Variants in CTNNA2 observed in about 807,000 individuals in gnomAD.
CTNNA2 encodes catenin alpha 2.
CTNNA2 carries 42 observed loss-of-function variants against 101.0 expected under a neutral mutation model. The ratio of observed to expected loss-of-function variants is 0.42; its 90% confidence interval spans 0.32 to 0.54. The LOEUF is 0.54. CTNNA2 is among the 20% of genes least tolerant of loss of function. CTNNA2 has a pLI of 0.14. For missense variants in CTNNA2, 871 were observed against 1,223.1 expected (o/e 0.71, Z 4.29); for synonymous variants, 450 against 456.4 (o/e 0.99, Z 0.18).
chr2:79,881,236 G>A (rs1318821601), intron 6 of CTNNA2, among the ~76,000 whole-genome samples: 1 of 152,092 alleles, frequency 6.6e-6, no homozygotes, highest in Non-Finnish European at 1.5e-5. Context: ...CCAATTATGT[G>A]GTCAATTTTA....
intron 7 of CTNNA2, among the ~76,000 whole-genome samples, chr2:79,916,763 C>T (rs1415731287): frequency 2.0e-5 from 3 of 151,710 alleles, no homozygotes; most frequent in Non-Finnish European, 4.4e-5. Flanking sequence ...GCTGGGACTA[C>T]AGGCACCCAC....
At chr2:79,789,864 A>G (rs1675137093) in intron 3 of CTNNA2, among the ~76,000 whole-genome samples, 1 of 152,122 alleles carries the variant, frequency 6.6e-6, no homozygotes, top group African/African-American at 2.4e-5. Flanking sequence ...CTTCCTGGCT[A>G]TCTGGGGAGA....
At chr2:79,649,124 A>G (rs556375584) in intron 1 of CTNNA2, among the ~76,000 whole-genome samples, 1 of 152,108 alleles carries the variant, frequency 6.6e-6, no homozygotes, top group South Asian at 2.1e-4. Context: ...TTTAAGGAGT[A>G]TCTTTCACTT....
intron 3 of CTNNA2, among the ~76,000 whole-genome samples, chr2:79,826,409 A>G (rs1399271409): frequency 6.6e-6 from 1 of 152,234 alleles, no homozygotes; most frequent in Non-Finnish European, 1.5e-5. Flanking sequence ...GTTGTTTCTT[A>G]TAACTTAGCT....
At chr2:80,003,729 A>G (rs888243710) in intron 7 of CTNNA2, among the ~76,000 whole-genome samples, 1 of 152,204 alleles carries the variant, frequency 6.6e-6, no homozygotes. Flanking sequence ...CTGGTTGGTC[A>G]AGATGTGGTC....
chr2:80,529,106 G>T (rs1340511757), intron 9 of CTNNA2, among the ~76,000 whole-genome samples: 1 of 152,112 alleles, frequency 6.6e-6, no homozygotes, highest in East Asian at 1.9e-4. Context: ...ATGTCCTGGT[G>T]GGCAGGCAGA....
At chr2:79,935,009 T>G (rs1231956465) in intron 7 of CTNNA2, among the ~76,000 whole-genome samples, 2 of 152,192 alleles carry the variant, frequency 1.3e-5, no homozygotes, top group Non-Finnish European at 2.9e-5. Context: ...ACAGTTAAAG[T>G]TGGTATATTT....
In CTNNA2 at chr2:79,844,287, T is replaced by C. The variant is rs181607366; in HGVS notation, c.299-13726T>C. Among the ~76,000 whole-genome samples the C allele has an allele frequency of 3.7e-4, 56 of 152,240 alleles. No homozygotes were observed. The East Asian group carries it at 0.011, about 29-fold the overall frequency. On this transcript the variant is annotated intron_variant, in intron 3 of 18. Coordinates refer to ENST00000402739, the MANE Select transcript of CTNNA2 (RefSeq NM_001282597.3). Reference sequence around the variant, plus strand: ...AAAGAATATCCAAAAAGTCTGAAAATACAGGAAAAATTGATTCTACTTATT... The same window carrying C: ...AAAGAATATCCAAAAAGTCTGAAAACACAGGAAAAATTGATTCTACTTATT...
At chr2:80,188,524 G>T (rs781739327) in intron 7 of CTNNA2, among the ~76,000 whole-genome samples, 10 of 152,060 alleles carry the variant, frequency 6.6e-5, no homozygotes, top group Non-Finnish European at 1.5e-4. Context: ...GGTCTCAATG[G>T]ACTAAAATAA....
chr2:79,521,382 TGCA>T (rs1350097560), intron 1 of CTNNA2, among the ~76,000 whole-genome samples: 1 of 151,940 alleles, frequency 6.6e-6, no homozygotes, highest in Middle Eastern at 3.2e-3. Context: ...CACACCGTCA[TGCA>T]GCAGCAGCGT....
chr2:80,508,566 A>G (rs1352408319), intron 9 of CTNNA2, among the ~76,000 whole-genome samples: 1 of 151,486 alleles, frequency 6.6e-6, no homozygotes, highest in Non-Finnish European at 1.5e-5. Flanking sequence ...CCTACAACAT[A>G]TGGACTCTCT....
chr2:80,424,245 T>C (rs990791715), intron 9 of CTNNA2, among the ~76,000 whole-genome samples: 28 of 152,292 alleles, frequency 1.8e-4, no homozygotes, highest in African/African-American at 2.2e-4. Flanking sequence ...TGAGCCACCG[T>C]GCCCGGCCCA....
chr2:80,226,193 C>T (rs1159402467), intron 7 of CTNNA2, among the ~76,000 whole-genome samples: 1 of 152,192 alleles, frequency 6.6e-6, no homozygotes, highest in Non-Finnish European at 1.5e-5. Flanking sequence ...AGGGTTAAAA[C>T]AGCTCATTTG....
chr2:79,270,295 G>T (rs1317185254), intron 2 of CTNNA2, among the ~76,000 whole-genome samples: 3 of 152,084 alleles, frequency 2.0e-5, no homozygotes, highest in Non-Finnish European at 4.4e-5. Context: ...TAGGAACCAT[G>T]CACTATACTC....
At chr2:79,342,326 T>A (rs1677156344) in intron 3 of CTNNA2, among the ~76,000 whole-genome samples, 1 of 152,212 alleles carries the variant, frequency 6.6e-6, no homozygotes, top group Admixed American at 6.5e-5. Context: ...CTGCCTAAGC[T>A]GCTGTGATGA....
chr2:79,374,229 A>G (rs1297952644), intron 4 of CTNNA2, among the ~76,000 whole-genome samples: 1 of 152,294 alleles, frequency 6.6e-6, no homozygotes, highest in East Asian at 1.9e-4. Context: ...GTGGAAGTCT[A>G]GTGCATAACA....
At chr2:80,383,020 A>C (rs1011950356) in intron 7 of CTNNA2, among the ~76,000 whole-genome samples, 4 of 152,118 alleles carry the variant, frequency 2.6e-5, no homozygotes, top group Admixed American at 2.0e-4. Context: ...ATTTTTTAGC[A>C]GTTTGCTCAG....
At chr2:79,372,220 A>T (rs1323116647) in intron 3 of CTNNA2, among the ~76,000 whole-genome samples, 5 of 152,094 alleles carry the variant, frequency 3.3e-5, no homozygotes, top group Non-Finnish European at 5.9e-5. Flanking sequence ...GAGTGCCTAC[A>T]CCTGTACAAA....
At chr2:80,615,645 G>T (rs764677018) in intron 17 of CTNNA2, among the ~76,000 whole-genome samples, 3 of 151,450 alleles carry the variant, frequency 2.0e-5, no homozygotes, top group Non-Finnish European at 3.0e-5. Flanking sequence ...TGTTTTCTTG[G>T]TTTACTATAT....
Sources: allele counts gnomAD v4.1 joint callset (sites outside exome capture counted in the v4.1 genomes callset), GRCh38; gene constraint gnomAD v4.1.1; transcripts MANE v1.5; gene names NCBI Gene and HGNC (gene_info 2026-07-23, HGNC 2026-07-21).